Variants in ACSM2A observed in about 807,000 individuals in gnomAD.
The protein encoded by ACSM2A is acyl-coenzyme A synthetase ACSM2A, mitochondrial.
Under a neutral mutation model 76.6 loss-of-function variants are expected in ACSM2A, and 72 were observed. The ratio of observed to expected loss-of-function variants is 0.94; its 90% CI spans 0.78 to 1.14. The LOEUF is 1.14. Ranked by LOEUF, ACSM2A falls within the 50% of genes most tolerant of loss-of-function variation. The pLI is 0.00. For synonymous variants in ACSM2A, 249 were observed against 255.9 expected (o/e 0.97, Z 0.26); for missense variants, 684 against 708.5 (o/e 0.97, Z 0.39).
At chr16:20,457,594 G>A (rs1325328205) in intron 1 of ACSM2A, among the ~76,000 whole-genome samples, 1 of 151,980 alleles carries the variant, frequency 6.6e-6, no homozygotes, top group Non-Finnish European at 1.5e-5. Context: ...TGTAGAAAAA[G>A]CATTTGACAA....
At chr16:20,466,699 T>C (rs2013020013) in intron 3 of ACSM2A, among the ~76,000 whole-genome samples, 1 of 152,332 alleles carries the variant, frequency 6.6e-6, no homozygotes, top group South Asian at 2.1e-4. Context: ...ACAGAACTAG[T>C]TGAGTTAGTT....
At chr16:20,467,150 A>T (rs1257118718) in intron 3 of ACSM2A, among the ~76,000 whole-genome samples, 1 of 152,210 alleles carries the variant, frequency 6.6e-6, no homozygotes, top group Admixed American at 6.5e-5. Flanking sequence ...AGAGGAGGGA[A>T]ACTTGAAAAT....
intron 3 of ACSM2A, among the ~76,000 whole-genome samples, chr16:20,468,343 C>T (rs1374558888): frequency 1.3e-5 from 2 of 152,112 alleles, no homozygotes; most frequent in African/African-American, 4.8e-5. Context: ...AAAATGAAAC[C>T]TGTGTAGTTA....
chr16:20,473,219 T>C (rs1333106724), intron 6 of ACSM2A, among the ~76,000 whole-genome samples: 1 of 152,166 alleles, frequency 6.6e-6, no homozygotes. Context: ...TCAGGTGTGA[T>C]CTGGATTTTC....
At chr16:20,474,070 T>C in intron 6 of ACSM2A, 1 of 449,764 alleles carries the variant, frequency 2.2e-6, no homozygotes, top group Non-Finnish European at 4.4e-6. Flanking sequence ...ATGTATTTTT[T>C]AAATGTGTTT....
intron 4 of ACSM2A, among the ~76,000 whole-genome samples, chr16:20,470,407 C>G (rs1210676709): frequency 6.6e-6 from 1 of 152,182 alleles, no homozygotes; most frequent in Admixed American, 6.5e-5. Flanking sequence ...AAGCCGATAG[C>G]AAGACTGGCT....
rs752798612 is a variant in ACSM2A at position 20,460,132 on chromosome 16, A to C, written c.18A>C (p.Lys6Asn). 2 of 1,610,620 alleles carry C rather than the reference A, an allele frequency of 1.2e-6. No homozygotes were observed. The highest frequency in any genetic ancestry group is 1.7e-5 in the Admixed American group (1 of 59,674). Residue 6 changes from lysine to asparagine, a missense_variant, in exon 2 of 14, where the codon AAA becomes AAC. By Grantham distance (94) the Lys-to-Asn change is moderately conservative (BLOSUM62 0). This residue lies in a region of ACSM2A where 519 missense variants were observed against 549.5 expected (regional missense o/e 0.94). Coordinates refer to ENST00000573854, the MANE Select transcript of ACSM2A (RefSeq NM_001308172.2). MHWLR[K>N]VQGLCTLWGT... ...GCCTGAATATGCATTGGCTGCGAAA[A>C]GTTCAGGGACTTTGCACCCTGTGGG...
intron 12 of ACSM2A, 85 bp from the exon 13 acceptor site, chr16:20,482,973 G>A: frequency 6.4e-7 from 1 of 1,566,274 alleles, no homozygotes; most frequent in African/African-American, 1.4e-5. Flanking sequence ...CAAGGGTGAT[G>A]GAAGTCTTAA....
At chr16:20,465,314 T>C (rs1234666647) in intron 2 of ACSM2A, among the ~76,000 whole-genome samples, 1 of 152,230 alleles carries the variant, frequency 6.6e-6, no homozygotes, top group East Asian at 1.9e-4. Flanking sequence ...AATTCTGTTT[T>C]AATATCTACT....
At chr16:20,453,451 C>T (rs1009971213) in intron 1 of ACSM2A, 11 of 150,722 alleles carry the variant, frequency 7.3e-5, no homozygotes, top group African/African-American at 2.7e-4. Flanking sequence ...TTTCTTATGC[C>T]TATCTTTACT....
chr16:20,469,272 T>C (rs1172385669), intron 3 of ACSM2A, among the ~76,000 whole-genome samples: 1 of 152,160 alleles, frequency 6.6e-6, no homozygotes, highest in African/African-American at 2.4e-5. Context: ...CAATGTGACA[T>C]TAGCAATTCA....
Position 20,486,881 on chromosome 16 carries a change from G to A in ACSM2A, c.*203G>A, listed in dbSNP as rs2014409463. On this transcript the variant is annotated 3_prime_UTR_variant, in exon 14 of 14. Coordinates refer to ENST00000573854, the MANE Select transcript of ACSM2A (RefSeq NM_001308172.2). The stretch of plus-strand genomic sequence containing the variant: ...AAGGAATGAGAGAGAGTGAAAAGGA[G>A]AGGGTAACAGAAAAAAAGGAAAGAA... 1 of 547,836 alleles carries A rather than the reference G, an allele frequency of 1.8e-6. No homozygotes were observed. Among genetic ancestry groups the A allele is most frequent in the South Asian group, 3.6e-5 (1 of 27,738 alleles). The allele number at this position is 547,836 out of a possible 1,614,324, so 33.9% of individuals were successfully genotyped here. A position where few individuals can be genotyped will look rare whatever the true frequency, so the allele number is the denominator to read the frequency against.
In ACSM2A at chr16:20,474,039, C is replaced by T. The variant is rs930170054; in HGVS notation, c.895-1323C>T. Reference sequence around the variant, plus strand: ...CTGGAAGCCCCCGCTTCAAGTTGCCCCACCTTTCTGGACCAAACCAATGTA... The same window carrying T: ...CTGGAAGCCCCCGCTTCAAGTTGCCTCACCTTTCTGGACCAAACCAATGTA... On this transcript the variant is annotated intron_variant, in intron 6 of 13. Coordinates refer to ENST00000573854, the MANE Select transcript of ACSM2A (RefSeq NM_001308172.2). 3 of 448,640 alleles carry T rather than the reference C, an allele frequency of 6.7e-6. No individual in the cohort carries two copies. The Admixed American group carries it at 7.2e-5, about 11-fold the overall frequency. 27.8% of individuals were successfully genotyped at this position (448,640 alleles called of 1,614,324 possible).
rs2141765748 is a variant in ACSM2A at position 20,483,129 on chromosome 16, G to A, written c.1581G>A (p.Leu527=). ...SHDPEQLTKE[L]QQHVKSVTAP... Reference sequence around the variant, plus strand: ...ACCCAGAACAGCTCACCAAGGAGCTGCAGCAGCATGTGAAGTCAGTGACAG... The same window carrying A: ...ACCCAGAACAGCTCACCAAGGAGCTACAGCAGCATGTGAAGTCAGTGACAG... Residue 527 remains leucine, a synonymous_variant, in exon 13 of 14, where the codon CTG becomes CTA. Transcript: ENST00000573854. 1.9e-6 allele frequency: 3 copies of A among 1,614,074 alleles called. No homozygotes were observed. Among genetic ancestry groups the A allele is most frequent in the Non-Finnish European group, 2.5e-6 (3 of 1,179,992 alleles).
intron 10 of ACSM2A, among the ~76,000 whole-genome samples, 163 bp downstream of exon 10, chr16:20,478,840 C>G (rs575093053): frequency 5.4e-4 from 83 of 152,304 alleles, no homozygotes; most frequent in African/African-American, 1.9e-3. Context: ...AGAAAAGTGG[C>G]TATTCAGCCT....
Position 20,471,628 on chromosome 16 carries a change from C to T in ACSM2A, c.833C>T (p.Ala278Val). Residue 278 changes from alanine to valine, a missense_variant, in exon 6 of 14, where the codon GCA (alanine) becomes GTA (valine). Transcript: ENST00000573854. ...TTGTGCTCACTTATGGAACCTTGGG[C>T]ATTAGGAGCATGCACATTTGTTCAT... ...NILCSLMEPW[A>V]LGACTFVHLL... The T allele has an allele frequency of 6.2e-7, 1 of 1,614,066 alleles. No homozygotes were observed. The highest frequency in any genetic ancestry group is 8.5e-7 in the Non-Finnish European group (1 of 1,179,940).
At chr16:20,482,887 G>C in intron 12 of ACSM2A, 171 bp from the exon 13 acceptor site, 1 of 1,077,948 alleles carries the variant, frequency 9.3e-7, no homozygotes, top group Non-Finnish European at 1.3e-6. Flanking sequence ...TTCAGAGAGA[G>C]CTGTAACCTC....
At chr16:20,459,234 T>C (rs2012453357) in intron 1 of ACSM2A, among the ~76,000 whole-genome samples, 1 of 151,986 alleles carries the variant, frequency 6.6e-6, no homozygotes, top group African/African-American at 2.4e-5. Flanking sequence ...CCTCGGGTGA[T>C]GGGTGCACAA....
At chr16:20,474,408 GC>G (rs1367760998) in intron 6 of ACSM2A, among the ~76,000 whole-genome samples, 1 of 152,084 alleles carries the variant, frequency 6.6e-6, no homozygotes, top group Non-Finnish European at 1.5e-5. Context: ...TACCTCGTGA[GC>G]CCCTTTACAA....
Sources: gnomAD v4.1 joint callset for allele counts (sites outside exome capture counted in the v4.1 genomes callset) on GRCh38, gnomAD v4.1.1 for gene constraint, gnomAD v4.1.1 regional missense constraint, MANE v1.5 for transcripts, NCBI Gene and HGNC (gene_info 2026-07-23, HGNC 2026-07-21) for gene names.